Variants in NBEA observed in about 807,000 individuals in gnomAD.
The protein encoded by NBEA is neurobeachin, also known as lysosomal-trafficking regulator 2.
A neutral mutation model predicts 343.4 loss-of-function variants in NBEA; 44 were observed. The ratio of observed to expected loss-of-function variants is 0.13; its 90% confidence interval spans 0.10 to 0.16. The LOEUF (loss-of-function observed/expected upper bound fraction) is 0.16. NBEA is among the 10% of genes least tolerant of loss of function. The pLI, the probability that NBEA is intolerant of heterozygous loss-of-function variation, is 1.00. For missense variants in NBEA, 2,555 were observed against 3,631.3 expected, an observed-to-expected ratio of 0.70 and a Z score of 7.62; for synonymous variants, 1,175 against 1,238.7, an observed-to-expected ratio of 0.95 and a Z score of 1.08.
At chr13:35,667,272 TC>T in intron 56 of NBEA, 101 bp from the exon 57 acceptor site, 1 of 936,152 alleles carries the variant, frequency 1.1e-6, no homozygotes, top group Non-Finnish European at 1.7e-6. Context: ...TCCTCTTCCG[TC>T]ACATCTGAGC....
chr13:35,097,154 CA>C (rs929473586), intron 10 of NBEA, among the ~76,000 whole-genome samples: 1 of 151,648 alleles, frequency 6.6e-6, no homozygotes, highest in Non-Finnish European at 1.5e-5. Flanking sequence ...CTAATTTGAA[CA>C]AAAGTAGCCA....
At chr13:35,449,336 A>G (rs1232314044) in intron 39 of NBEA, among the ~76,000 whole-genome samples, 3 of 152,252 alleles carry the variant, frequency 2.0e-5, no homozygotes, top group African/African-American at 4.8e-5. Flanking sequence ...GACACCCTCT[A>G]GACCAAAAAC....
intron 39 of NBEA, among the ~76,000 whole-genome samples, chr13:35,434,219 T>G (rs1172203562): frequency 1.3e-5 from 2 of 152,132 alleles, no homozygotes; most frequent in African/African-American, 4.8e-5. Flanking sequence ...AATAAAATCT[T>G]TTTCAAACTG....
At chr13:35,636,541 T>C (rs2083699070) in intron 49 of NBEA, among the ~76,000 whole-genome samples, 1 of 152,216 alleles carries the variant, frequency 6.6e-6, no homozygotes, top group Non-Finnish European at 1.5e-5. Flanking sequence ...TATTTTCCCA[T>C]GATTAAACAC....
At chr13:35,184,721 T>G (rs1376902493) in intron 30 of NBEA, among the ~76,000 whole-genome samples, 1 of 151,920 alleles carries the variant, frequency 6.6e-6, no homozygotes, top group African/African-American at 2.4e-5. Flanking sequence ...AAAGTTAACA[T>G]ATTGAAGAGA....
At chr13:35,637,340 A>T (rs539803668) in intron 49 of NBEA, among the ~76,000 whole-genome samples, 1 of 152,308 alleles carries the variant, frequency 6.6e-6, no homozygotes, top group South Asian at 2.1e-4. Flanking sequence ...TGCACCATTG[A>T]TAGGAATATA....
intron 36 of NBEA, among the ~76,000 whole-genome samples, chr13:35,321,877 GGT>G (rs2038173644): frequency 6.6e-6 from 1 of 152,160 alleles, no homozygotes; most frequent in African/African-American, 2.4e-5. Context: ...GAAACTTCCC[GGT>G]GGCTTTGTTT....
intron 41 of NBEA, among the ~76,000 whole-genome samples, chr13:35,536,453 A>G (rs1455727613): frequency 1.3e-5 from 2 of 152,154 alleles, no homozygotes. Context: ...CTTTTTTAGA[A>G]CAGTTTAAGT....
chr13:35,134,675 T>C (rs2067622343), intron 17 of NBEA, among the ~76,000 whole-genome samples: 1 of 151,984 alleles, frequency 6.6e-6, no homozygotes, highest in Admixed American at 6.6e-5. Context: ...GTACTTATAT[T>C]ACAACATTAA....
intron 38 of NBEA, among the ~76,000 whole-genome samples, chr13:35,417,497 A>G (rs978515001): frequency 1.3e-5 from 2 of 152,116 alleles, no homozygotes; most frequent in African/African-American, 4.8e-5. Flanking sequence ...TTATGTACCC[A>G]GTAGTCATTC....
chr13:35,450,655 C>G (rs73504703), intron 39 of NBEA, among the ~76,000 whole-genome samples: 44 of 152,238 alleles, frequency 2.9e-4, no homozygotes, highest in African/African-American at 8.9e-4. Context: ...ATAATGTCCC[C>G]TAAAAATATA....
intron 23 of NBEA, among the ~76,000 whole-genome samples, chr13:35,163,421 A>C (rs543032808): frequency 6.6e-6 from 1 of 151,994 alleles, no homozygotes; most frequent in Non-Finnish European, 1.5e-5. Context: ...TGGGAGGCCA[A>C]GGCGGGAGGA....
intron 39 of NBEA, among the ~76,000 whole-genome samples, chr13:35,445,651 C>G (rs2045963551): frequency 6.6e-6 from 1 of 151,364 alleles, no homozygotes; most frequent in South Asian, 2.1e-4. Context: ...TATGTGTTTT[C>G]ATTTACTCAA....
At chr13:35,074,054 T>C (rs2063999383) in intron 10 of NBEA, among the ~76,000 whole-genome samples, 1 of 152,198 alleles carries the variant, frequency 6.6e-6, no homozygotes, top group Admixed American at 6.6e-5. Flanking sequence ...AGGCCACTTA[T>C]AGTTGTTTTA....
chr13:35,628,607 T>A (rs1012575290), intron 49 of NBEA, among the ~76,000 whole-genome samples: 3 of 152,202 alleles, frequency 2.0e-5, no homozygotes, highest in African/African-American at 7.2e-5. Context: ...CTGTGGCTAT[T>A]CTTAAAAATA....
intron 1 of NBEA, among the ~76,000 whole-genome samples, chr13:34,992,301 C>A (rs961064564): frequency 6.8e-6 from 1 of 146,456 alleles, no homozygotes; most frequent in East Asian, 2.0e-4. Flanking sequence ...GTCACCCAGG[C>A]TGGAGTGCAG....
At chr13:35,521,970 T>G (rs946006774) in intron 41 of NBEA, among the ~76,000 whole-genome samples, 1 of 152,130 alleles carries the variant, frequency 6.6e-6, no homozygotes. Flanking sequence ...TTCTTAAATA[T>G]GAACCCATCA....
At chr13:35,353,146 A>C (rs1455767900) in intron 38 of NBEA, among the ~76,000 whole-genome samples, 1 of 152,154 alleles carries the variant, frequency 6.6e-6, no homozygotes, top group Non-Finnish European at 1.5e-5. Flanking sequence ...GGTAAAAATG[A>C]TTCTGTTGAC....
At chr13:35,471,014 C>T (rs923417198) in intron 40 of NBEA, among the ~76,000 whole-genome samples, 1 of 152,178 alleles carries the variant, frequency 6.6e-6, no homozygotes, top group Non-Finnish European at 1.5e-5. Flanking sequence ...CCGCGAGCCC[C>T]GGGGGCTCAT....
Sources: allele counts gnomAD v4.1 joint callset (sites outside exome capture counted in the v4.1 genomes callset), GRCh38; gene constraint gnomAD v4.1.1; transcripts MANE v1.5; gene names NCBI Gene and HGNC (gene_info 2026-07-23, HGNC 2026-07-21).